Variants in ELAVL2 observed in about 807,000 individuals in gnomAD.
The protein encoded by ELAVL2 is ELAV-like protein 2.
A neutral mutation model predicts 34.6 loss-of-function variants in ELAVL2; 4 were observed. The ratio of observed to expected loss-of-function variants is 0.12; its 90% CI spans 0.06 to 0.26. The LOEUF (loss-of-function observed/expected upper bound fraction) is 0.26. Ranked by LOEUF, ELAVL2 falls within the 10% of genes least tolerant of loss-of-function variation. The pLI is 1.00. For missense variants in ELAVL2, 432 were observed against 442.8 expected, an observed-to-expected ratio of 0.98 and a Z score of 0.22; for synonymous variants, 193 against 154.8, an observed-to-expected ratio of 1.25 and a Z score of -1.83.
At position 23,705,002 on chromosome 9, in the gene ELAVL2, T is replaced by G. The variant is rs368330671; in HGVS notation, c.403A>C (p.Thr135Pro). 1.2e-6 allele frequency: 2 copies of G among 1,614,098 alleles called. No individual in the cohort carries two copies. The highest frequency in any genetic ancestry group is 1.3e-5 in the African/African-American group (1 of 75,044). ...ANLYVSGLPK[T>P]MTQKELEQLF... ...TGTTCCAACTCCTTCTGGGTCATTGTTTTTGGAAGTCCGCTGACATATAAA... is the reference window on the plus strand; with the variant it reads ...TGTTCCAACTCCTTCTGGGTCATTGGTTTTGGAAGTCCGCTGACATATAAA... Residue 135 changes from threonine to proline, a missense_variant, in exon 4 of 7, where the codon ACA (threonine) becomes CCA (proline). Around this residue, in one of 3 missense-constraint regions of ELAVL2, gnomAD observed 295 missense variants for 306.1 expected, o/e 0.96. Transcript: ENST00000397312.
intron 1 of ELAVL2, among the ~76,000 whole-genome samples, chr9:23,785,447 T>A (rs914073315): frequency 6.6e-6 from 1 of 152,240 alleles, no homozygotes; most frequent in African/African-American, 2.4e-5. Context: ...GGACTTAGGA[T>A]CTTTTAGTTA....
rs200242842 is a variant in ELAVL2 at position 23,752,488 on chromosome 9, TAG to T, written c.229+9516_229+9517del. On this transcript the variant is annotated intron_variant, in intron 2 of 6. Coordinates refer to ENST00000397312, the MANE Select transcript of ELAVL2 (RefSeq NM_004432.5). Reference sequence around the variant, plus strand: ...TTTTTTTTGTTTTTTTTTTTTGAGATAGAGTCTCCCTCTGTCATCCAGGCTGG... The same window carrying T: ...TTTTTTTTGTTTTTTTTTTTTGAGATAGTCTCCCTCTGTCATCCAGGCTGG... 1.9e-3 allele frequency among the ~76,000 whole-genome samples: 282 copies of T among 151,522 alleles called. 5 individuals are homozygous for T. In the East Asian group the frequency reaches 0.049, roughly 27 times the overall value.
chr9:23,730,029 T>C (rs568356582), intron 3 of ELAVL2, among the ~76,000 whole-genome samples: 32 of 152,170 alleles, frequency 2.1e-4, no homozygotes, highest in African/African-American at 6.7e-4. Context: ...CTTGAGTCAA[T>C]TGATAGAAGT....
chr9:23,818,942 G>A (rs1211440096), intron 1 of ELAVL2, among the ~76,000 whole-genome samples: 5 of 152,162 alleles, frequency 3.3e-5, no homozygotes, highest in African/African-American at 1.2e-4. Context: ...AAGCGTCACA[G>A]GTTTTTTAAA....
intron 5 of ELAVL2, among the ~76,000 whole-genome samples, chr9:23,696,156 G>A (rs2035116395): frequency 6.6e-6 from 1 of 152,086 alleles, no homozygotes; most frequent in Non-Finnish European, 1.5e-5. Flanking sequence ...TCACCAACGA[G>A]TGTAGGGAGA....
intron 3 of ELAVL2, among the ~76,000 whole-genome samples, chr9:23,715,542 G>A (rs577294157): frequency 2.6e-5 from 4 of 152,322 alleles, no homozygotes; most frequent in South Asian, 2.1e-4. Flanking sequence ...TGAAAACAAC[G>A]CAGGCTAAAT....
At chr9:23,707,288 A>G (rs2039631633) in intron 3 of ELAVL2, among the ~76,000 whole-genome samples, 1 of 152,248 alleles carries the variant, frequency 6.6e-6, no homozygotes, top group East Asian at 1.9e-4. Context: ...TGAATCAATG[A>G]AAACTTAATT....
At chr9:23,757,463 A>G (rs544589837) in intron 2 of ELAVL2, among the ~76,000 whole-genome samples, 2 of 152,038 alleles carry the variant, frequency 1.3e-5, no homozygotes, top group East Asian at 1.9e-4. Flanking sequence ...CTCATCACCT[A>G]TGATGTTTGG....
chr9:23,785,622 C>T (rs562703360), intron 1 of ELAVL2, among the ~76,000 whole-genome samples: 41 of 152,306 alleles, frequency 2.7e-4, no homozygotes, highest in African/African-American at 4.3e-4. Context: ...CACTGTCTCA[C>T]GTCTGTTAAC....
At chr9:23,774,990 T>G (rs776985068) in intron 1 of ELAVL2, among the ~76,000 whole-genome samples, 2 of 152,206 alleles carry the variant, frequency 1.3e-5, no homozygotes, top group African/African-American at 4.8e-5. Context: ...ATCATCTTTC[T>G]CCTATCATGA....
At chr9:23,844,172 C>T in the ELAVL2 span, among the ~76,000 whole-genome samples, 1 of 151,998 alleles carries the variant, frequency 6.6e-6, no homozygotes, top group South Asian at 2.1e-4. Context: ...TTCCTCTGTG[C>T]TCCTAAAAGT....
intron 2 of ELAVL2, among the ~76,000 whole-genome samples, chr9:23,759,226 A>G (rs1044733818): frequency 1.3e-5 from 2 of 152,110 alleles, no homozygotes; most frequent in Admixed American, 6.6e-5. Context: ...AAAATGAAAT[A>G]CCATTCAGCC....
chr9:23,786,802 A>AAAAAAAC (rs1554747169), intron 1 of ELAVL2, among the ~76,000 whole-genome samples: 6 of 127,338 alleles, frequency 4.7e-5, no homozygotes, highest in Admixed American at 1.6e-4. Context: ...AAAAAAAAAA[A>AAAAAAAC]AGAGAGAGAG....
Position 23,801,479 on chromosome 9 carries a change from G to C in ELAVL2, c.-16+24327C>G, listed in dbSNP as rs865838946. The stretch of plus-strand genomic sequence containing the variant: ...TATAAAGTGTGTCTTTGCCTTCAAG[G>C]GCTACTCAGTTTTCAGACAAGTAAA... On this transcript the variant is annotated intron_variant, in intron 1 of 6. Transcript: ENST00000397312. 2.0e-5 allele frequency among the ~76,000 whole-genome samples: 3 copies of C among 152,024 alleles called. No homozygotes were observed. The South Asian group carries it at 6.2e-4, about 32-fold the overall frequency.
chr9:23,821,461 T>C (rs2064704667), intron 1 of ELAVL2: 1 of 152,182 alleles, frequency 6.6e-6, no homozygotes, highest in Non-Finnish European at 1.5e-5. Context: ...CCACCAGTGT[T>C]CCCGCCCAGA....
chr9:23,840,480 T>A, the ELAVL2 span, among the ~76,000 whole-genome samples: 3 of 152,200 alleles, frequency 2.0e-5, no homozygotes, highest in Admixed American at 1.3e-4. Flanking sequence ...AGTGGTGCAG[T>A]TAACATGGAG....
rs571151169 is a variant in ELAVL2, at chr9:23,705,554, C to A, written c.334-483G>T. Among the ~76,000 whole-genome samples, 4 of 152,324 alleles carry A rather than the reference C, an allele frequency of 2.6e-5. No individual in the cohort carries two copies. The South Asian group carries it at 8.3e-4, about 32-fold the overall frequency. The stretch of plus-strand genomic sequence containing the variant: ...ATAGGCTGTCTTCTGTGGGGCCAAT[C>A]CCCTAGAGCAGTGGTCCCCAACCTT... On this transcript the variant is annotated intron_variant, in intron 3 of 6. Transcript: ENST00000397312.
chr9:23,693,383 C>A, intron 6 of ELAVL2, 65 bp downstream of exon 6: 1 of 1,601,052 alleles, frequency 6.2e-7, no homozygotes, highest in South Asian at 1.1e-5. Flanking sequence ...AATAGCACTC[C>A]CAAAATCAAA....
chr9:23,814,854 T>G (rs1482047000), intron 1 of ELAVL2, among the ~76,000 whole-genome samples: 2 of 152,174 alleles, frequency 1.3e-5, no homozygotes, highest in Non-Finnish European at 2.9e-5. Context: ...CAAGATCAAG[T>G]GCTCCAGAAA....
Sources: gnomAD v4.1 joint callset for allele counts (sites outside exome capture counted in the v4.1 genomes callset) on GRCh38, gnomAD v4.1.1 for gene constraint, gnomAD v4.1.1 regional missense constraint, MANE v1.5 for transcripts, NCBI Gene and HGNC (gene_info 2026-07-23, HGNC 2026-07-21) for gene names.